Variants in NALF1 observed in about 807,000 individuals in gnomAD.
NALF1 encodes NALCN channel auxiliary factor 1.
In NALF1, 3 loss-of-function variants were observed where a neutral mutation model predicts 48.4. That is an observed-to-expected ratio of 0.06 (90% CI 0.03 to 0.16). The LOEUF is 0.16. Ranked by LOEUF, NALF1 falls within the 10% of genes least tolerant of loss-of-function variation. NALF1 has a pLI of 1.00. For missense variants in NALF1, 526 were observed against 571.5 expected (o/e 0.92, Z 0.81); for synonymous variants, 262 against 245.7 (o/e 1.07, Z -0.62).
chr13:107,514,984 C>A (rs1320446), intron 1 of NALF1, among the ~76,000 whole-genome samples: 90,799 of 152,054 alleles, frequency 0.6, 30,091 homozygotes, highest in Middle Eastern at 0.76. Context: ...ACTGTAACCT[C>A]AAAGATGTCC....
chr13:107,722,927 A>T (rs1318779987), intron 1 of NALF1, among the ~76,000 whole-genome samples: 1 of 152,226 alleles, frequency 6.6e-6, no homozygotes, highest in Non-Finnish European at 1.5e-5. Flanking sequence ...ATGCTGGTGC[A>T]GGCCCTAAAC....
intron 2 of NALF1, among the ~76,000 whole-genome samples, chr13:107,202,701 A>G (rs1485818536): frequency 1.3e-5 from 2 of 152,210 alleles, no homozygotes; most frequent in Non-Finnish European, 2.9e-5. Flanking sequence ...ATGTTGAGAA[A>G]TCAGGACATG....
intron 1 of NALF1, among the ~76,000 whole-genome samples, chr13:107,605,412 C>T (rs1020131682): frequency 1.3e-5 from 2 of 152,182 alleles, no homozygotes; most frequent in Non-Finnish European, 2.9e-5. Flanking sequence ...TTCCGGTTAA[C>T]TAATTCGGGA....
At chr13:107,834,103 C>T (rs1256296776) in intron 1 of NALF1, among the ~76,000 whole-genome samples, 1 of 151,992 alleles carries the variant, frequency 6.6e-6, no homozygotes, top group African/African-American at 2.4e-5. Context: ...AAAAATACAG[C>T]CTAATTACTA....
At chr13:107,257,792 G>A (rs1293533673) in intron 1 of NALF1, among the ~76,000 whole-genome samples, 2 of 152,114 alleles carry the variant, frequency 1.3e-5, no homozygotes, top group African/African-American at 4.8e-5. Flanking sequence ...GGGAGGTAGG[G>A]GATGGGGGGT....
chr13:107,609,524 G>C (rs1001217459), intron 1 of NALF1, among the ~76,000 whole-genome samples: 12 of 152,166 alleles, frequency 7.9e-5, no homozygotes, highest in African/African-American at 2.9e-4. Context: ...CCTGGTCTGA[G>C]CCTTGCACAG....
intron 1 of NALF1, among the ~76,000 whole-genome samples, chr13:107,764,810 G>GC (rs1877377200): frequency 6.6e-6 from 1 of 152,152 alleles, no homozygotes; most frequent in Non-Finnish European, 1.5e-5. Flanking sequence ...AGTTTTTTCA[G>GC]CAAGATACTC....
intron 1 of NALF1, among the ~76,000 whole-genome samples, chr13:107,349,739 C>CAA (rs35813555): frequency 0.018 from 1,773 of 99,160 alleles, 14 homozygotes; most frequent in Non-Finnish European, 0.023. Flanking sequence ...GAATACGTCT[C>CAA]AAAAAAAAAA....
chr13:107,608,668 T>A (rs2138430227), intron 1 of NALF1, among the ~76,000 whole-genome samples: 1 of 152,252 alleles, frequency 6.6e-6, no homozygotes, highest in South Asian at 2.1e-4. Flanking sequence ...TTACTATATG[T>A]CGAATATAAT....
chr13:107,468,910 A>G (rs1544059), intron 1 of NALF1, among the ~76,000 whole-genome samples: 110,791 of 151,978 alleles, frequency 0.73, 40,888 homozygotes, highest in Middle Eastern at 0.83. Flanking sequence ...CTATTAAAAT[A>G]AATATATTTT....
chr13:107,320,660 T>C (rs1882237687), intron 1 of NALF1, among the ~76,000 whole-genome samples: 1 of 152,058 alleles, frequency 6.6e-6, no homozygotes. Context: ...TTTATGGACA[T>C]TCACTAAGTA....
chr13:107,764,576 G>A (rs1040380132), intron 1 of NALF1, among the ~76,000 whole-genome samples: 1 of 152,100 alleles, frequency 6.6e-6, no homozygotes, highest in Admixed American at 6.6e-5. Flanking sequence ...AATCAATGAA[G>A]GGAATACTGA....
chr13:107,377,545 G>A (rs1296848364), intron 1 of NALF1, among the ~76,000 whole-genome samples: 1 of 152,162 alleles, frequency 6.6e-6, no homozygotes, highest in Non-Finnish European at 1.5e-5. Context: ...AGTACTCTGG[G>A]AGGATCACTT....
intron 1 of NALF1, among the ~76,000 whole-genome samples, chr13:107,831,355 G>T (rs908654146): frequency 6.6e-6 from 1 of 151,706 alleles, no homozygotes; most frequent in East Asian, 1.9e-4. Flanking sequence ...AGTAAGCCTC[G>T]GCACTTAATA....
At chr13:107,535,098 G>A (rs1226950441) in intron 1 of NALF1, among the ~76,000 whole-genome samples, 1 of 152,026 alleles carries the variant, frequency 6.6e-6, no homozygotes. Context: ...AGATGATGGG[G>A]CTAAATATAC....
At chr13:107,357,608 A>G (rs1249058820) in intron 1 of NALF1, among the ~76,000 whole-genome samples, 1 of 152,200 alleles carries the variant, frequency 6.6e-6, no homozygotes, top group Non-Finnish European at 1.5e-5. Flanking sequence ...GAAACGCCTT[A>G]TAAAAGGAGT....
At position 107,167,894 on chromosome 13, in the gene NALF1, T is replaced by C. The variant is rs1479435121; in HGVS notation, c.*2603A>G. ...TGGAACCTTCTGATCCTCTTGTCTT[T>C]GTAAAGAACTTTAGTCAGTTCAAAA... On this transcript the variant is annotated 3_prime_UTR_variant, in exon 3 of 3. Coordinates refer to ENST00000375915, the MANE Select transcript of NALF1 (RefSeq NM_001080396.3). 1.3e-5 allele frequency: 2 copies of C among 152,186 alleles called. No homozygotes were observed. The highest frequency in any genetic ancestry group is 1.9e-4 in the East Asian group (1 of 5,200). The allele number at this position is 152,186 out of a possible 1,614,324, so 9.4% of individuals were successfully genotyped here. A position where few individuals can be genotyped will look rare whatever the true frequency, so the allele number is the denominator to read the frequency against.
intron 1 of NALF1, among the ~76,000 whole-genome samples, chr13:107,674,097 T>C (rs1433357018): frequency 6.6e-6 from 1 of 151,886 alleles, no homozygotes; most frequent in East Asian, 1.9e-4. Context: ...GATTTTAATA[T>C]CTAATCTGAT....
chr13:107,760,192 CT>C (rs2138560638), intron 1 of NALF1, among the ~76,000 whole-genome samples: 1 of 152,260 alleles, frequency 6.6e-6, no homozygotes, highest in African/African-American at 2.4e-5. Flanking sequence ...TAGATTTCTC[CT>C]TTTTTTCAGA....
Sources: gnomAD v4.1 joint callset for allele counts (sites outside exome capture counted in the v4.1 genomes callset) on GRCh38, gnomAD v4.1.1 for gene constraint, MANE v1.5 for transcripts, NCBI Gene and HGNC (gene_info 2026-07-23, HGNC 2026-07-21) for gene names.